Variants in NEURL1 observed in about 807,000 individuals in gnomAD.
The protein encoded by NEURL1 is neuralized E3 ubiquitin protein ligase 1.
In NEURL1, 26 loss-of-function variants were observed where a neutral mutation model predicts 41.2. The ratio of observed to expected loss-of-function variants is 0.63; its 90% CI spans 0.46 to 0.87. The LOEUF is 0.87. NEURL1 is among the 40% of genes least tolerant of loss of function. The pLI is 0.00. For missense variants in NEURL1, 761 were observed against 871.1 expected, an observed-to-expected ratio of 0.87 and a Z score of 1.59; for synonymous variants, 400 against 402.3, an observed-to-expected ratio of 0.99 and a Z score of 0.07.
intron 1 of NEURL1, among the ~76,000 whole-genome samples, chr10:103,503,998 T>A (rs1284527053): frequency 3.3e-5 from 5 of 150,284 alleles, no homozygotes; most frequent in Non-Finnish European, 7.4e-5. Flanking sequence ...TTTATTTATT[T>A]ATTTATCTTT....
rs971045359 is a variant in NEURL1, at chr10:103,590,606, C to G, written c.*234C>G. The G allele has an allele frequency of 1.8e-6, 1 of 567,076 alleles. No homozygotes were observed. The highest frequency in any genetic ancestry group is 1.9e-5 in the African/African-American group (1 of 53,320). 35.1% of individuals were successfully genotyped at this position (567,076 alleles called of 1,614,324 possible). A position where few individuals can be genotyped will look rare whatever the true frequency, so the allele number is the denominator to read the frequency against. ...GGGAGGAGAGGAGGCCGCACTCTCC[C>G]TGTCTCTCCCGTCTCTGCACCCAGC... On this transcript the variant is annotated 3_prime_UTR_variant, in exon 6 of 6. Coordinates refer to ENST00000369780, the MANE Select transcript of NEURL1 (RefSeq NM_004210.5).
intron 1 of NEURL1, among the ~76,000 whole-genome samples, chr10:103,520,552 T>G (rs2034324157): frequency 5.9e-5 from 9 of 152,212 alleles, no homozygotes; most frequent in Admixed American, 5.9e-4. Flanking sequence ...TGACTTCTTT[T>G]GTGATTCTTC....
chr10:103,510,603 G>T (rs944445630), intron 1 of NEURL1, among the ~76,000 whole-genome samples: 11 of 152,160 alleles, frequency 7.2e-5, no homozygotes, highest in African/African-American at 2.7e-4. Flanking sequence ...GGCAAGCCAG[G>T]TTCTGAAGGG....
At chr10:103,510,465 A>C (rs907953473) in intron 1 of NEURL1, among the ~76,000 whole-genome samples, 7 of 152,160 alleles carry the variant, frequency 4.6e-5, no homozygotes, top group Non-Finnish European at 8.8e-5. Context: ...CGAGTGGGAC[A>C]TGTTAAATCT....
At chr10:103,551,750 A>G (rs1371828006) in intron 1 of NEURL1, among the ~76,000 whole-genome samples, 1 of 152,206 alleles carries the variant, frequency 6.6e-6, no homozygotes, top group African/African-American at 2.4e-5. Flanking sequence ...GACACAGGAC[A>G]TTGATTGCCA....
At chr10:103,520,796 G>A (rs2034331475) in intron 1 of NEURL1, among the ~76,000 whole-genome samples, 3 of 152,182 alleles carry the variant, frequency 2.0e-5, no homozygotes, top group South Asian at 4.1e-4. Context: ...ACCTACAGTG[G>A]GAGAGATTAA....
At chr10:103,520,216 C>G (rs575690913) in intron 1 of NEURL1, among the ~76,000 whole-genome samples, 1 of 152,130 alleles carries the variant, frequency 6.6e-6, no homozygotes, top group Non-Finnish European at 1.5e-5. Context: ...GTGTCACGTA[C>G]GTCCGTGTGA....
rs758649665 is a variant in NEURL1, at chr10:103,584,929, C to A, written c.1043C>A (p.Ala348Glu). The change falls in exon 4 of 6, where the codon GCG (alanine) becomes GAG (glutamate). Residue 348 changes from alanine to glutamate, a missense_variant. Ala to Glu is a moderately radical substitution (Grantham distance 107). Around this residue, in one of 5 missense-constraint regions of NEURL1, gnomAD observed 443 missense variants for 408.1 expected, o/e 1.09. Coordinates refer to ENST00000369780, the MANE Select transcript of NEURL1 (RefSeq NM_004210.5). Reference sequence around the variant, plus strand: ...GTCAAGGTCACGCGCTCGGGTGGCGCGCGGCCCGGCGCGCTGTCGTTCGGC... The same window carrying A: ...GTCAAGGTCACGCGCTCGGGTGGCGAGCGGCCCGGCGCGCTGTCGTTCGGC... ...IFVKVTRSGG[A>E]RPGALSFGVT... 2.0e-6 allele frequency: 3 copies of A among 1,481,706 alleles called. No homozygotes were observed. The highest frequency in any genetic ancestry group is 8.9e-7 in the Non-Finnish European group (1 of 1,124,620). The allele number at this position is 1,481,706 out of a possible 1,614,324, so 91.8% of individuals were successfully genotyped here.
At chr10:103,536,532 G>A (rs777063770) in intron 1 of NEURL1, among the ~76,000 whole-genome samples, 2 of 152,106 alleles carry the variant, frequency 1.3e-5, no homozygotes, top group Non-Finnish European at 2.9e-5. Flanking sequence ...TGACAAGAGC[G>A]AAACTGCATG....
chr10:103,571,411 A>T, intron 2 of NEURL1, 90 bp from the exon 3 acceptor site: 1 of 1,318,416 alleles, frequency 7.6e-7, no homozygotes, highest in Non-Finnish European at 1.0e-6. Flanking sequence ...CTGCTGTGGG[A>T]TGCTCCAGGG....
intron 3 of NEURL1, among the ~76,000 whole-genome samples, chr10:103,577,085 G>A (rs1481839965): frequency 6.6e-6 from 1 of 152,216 alleles, no homozygotes; most frequent in East Asian, 1.9e-4. Flanking sequence ...GCCTGAGCCA[G>A]CTGTTGGGCT....
At chr10:103,559,989 CAT>C (rs2035254971) in intron 1 of NEURL1, among the ~76,000 whole-genome samples, 2 of 151,876 alleles carry the variant, frequency 1.3e-5, no homozygotes, top group South Asian at 4.2e-4. Flanking sequence ...CACATGCACA[CAT>C]ATACACAATG....
At chr10:103,585,256 G>T in intron 4 of NEURL1, 31 bp downstream of exon 4, 5 of 1,459,182 alleles carry the variant, frequency 3.4e-6, no homozygotes, top group Admixed American at 4.7e-5. Flanking sequence ...CTGGGCGTAT[G>T]CCTTTCCTGG....
At chr10:103,577,185 T>A (rs1215105340) in intron 3 of NEURL1, among the ~76,000 whole-genome samples, 9 of 152,210 alleles carry the variant, frequency 5.9e-5, no homozygotes, top group Admixed American at 5.9e-4. Context: ...TTGCTTTTCC[T>A]TCTGCTTCAG....
In NEURL1 at chr10:103,545,445, G is replaced by A. The variant is rs778660971; in HGVS notation, c.86-25427G>A. ...GCTAGGACTGGAGGTGTAGTAGCAGGGGACAGAGTTCCTTCCTGGACTCAG... is the reference window on the plus strand; with the variant it reads ...GCTAGGACTGGAGGTGTAGTAGCAGAGGACAGAGTTCCTTCCTGGACTCAG... On this transcript the variant is annotated intron_variant, in intron 1 of 5. Transcript: ENST00000369780. This position sits in a 1 kb window ranked among gnomAD's most constrained non-coding sequence, Gnocchi z 4.5. Among the ~76,000 whole-genome samples, 8 of 152,194 alleles carry A rather than the reference G, an allele frequency of 5.3e-5. No homozygotes were observed. The highest frequency in any genetic ancestry group is 7.3e-5 in the Non-Finnish European group (5 of 68,028).
At chr10:103,581,176 C>A (rs140874881) in intron 3 of NEURL1, among the ~76,000 whole-genome samples, 1 of 152,290 alleles carries the variant, frequency 6.6e-6, no homozygotes, top group Non-Finnish European at 1.5e-5. Context: ...TACCCCTATT[C>A]TCTAGGTGAG....
chr10:103,580,559 G>C (rs1396333566), intron 3 of NEURL1, among the ~76,000 whole-genome samples: 1 of 152,158 alleles, frequency 6.6e-6, no homozygotes, highest in African/African-American at 2.4e-5. Context: ...TGTGACCTTT[G>C]CCGTCCCTTC....
chr10:103,520,551 T>C (rs2034324093), intron 1 of NEURL1, among the ~76,000 whole-genome samples: 2 of 152,202 alleles, frequency 1.3e-5, no homozygotes, highest in African/African-American at 4.8e-5. Context: ...TTGACTTCTT[T>C]TGTGATTCTT....
intron 1 of NEURL1, among the ~76,000 whole-genome samples, chr10:103,502,714 C>T (rs1464303011): frequency 3.3e-5 from 5 of 152,210 alleles, no homozygotes; most frequent in Non-Finnish European, 7.3e-5. Context: ...TTCTAAATCA[C>T]AGAGCCCAAG....
Sources: gnomAD v4.1 joint callset for allele counts (sites outside exome capture counted in the v4.1 genomes callset) on GRCh38, gnomAD v4.1.1 for gene constraint, gnomAD v4.1.1 regional missense constraint, Gnocchi (gnomAD v3.1) non-coding constraint, MANE v1.5 for transcripts, NCBI Gene and HGNC (gene_info 2026-07-23, HGNC 2026-07-21) for gene names.